The following NXPE2 variants were observed in gnomAD, a reference collection of about 807,000 sequenced individuals.
The protein encoded by NXPE2 is neurexophilin and PC-esterase domain family member 2, also known as NXPE family member 2.
A neutral mutation model predicts 34.4 loss-of-function variants in NXPE2; 34 were observed. The ratio of observed to expected loss-of-function variants is 0.99; its 90% CI spans 0.75 to 1.31. The LOEUF (loss-of-function observed/expected upper bound fraction) is 1.31. Among genes scored for constraint, NXPE2 ranks in the 40% most tolerant of loss-of-function variants. NXPE2 has a pLI of 0.00. For missense variants in NXPE2, 649 were observed against 672.5 expected, an observed-to-expected ratio of 0.97 and a Z score of 0.39; for synonymous variants, 235 against 231.3, an observed-to-expected ratio of 1.02 and a Z score of -0.15.
chr11:114,610,210 C>A, the NXPE2 span, among the ~76,000 whole-genome samples: 1 of 151,862 alleles, frequency 6.6e-6, no homozygotes, highest in Admixed American at 6.6e-5. Flanking sequence ...CCACTGTTAC[C>A]CAGTCAATAA....
In NXPE2 at chr11:114,691,511, G is replaced by A. The variant is rs79835308; in HGVS notation, c.133-6534G>A. On this transcript the variant is annotated intron_variant, in intron 2 of 5. Coordinates refer to ENST00000389586, the MANE Select transcript of NXPE2 (RefSeq NM_182495.6). ...CTAGGGGCAGGGGCAGAGAAAAATT[G>A]GGAAGTGTGAATCGTGCCCTCTCCC... Among the ~76,000 whole-genome samples the A allele has an allele frequency of 8.2e-3, 1,246 of 152,210 alleles. 18 individuals are homozygous for A. Among genetic ancestry groups the A allele is most frequent in the African/African-American group, 0.028 (1,157 of 41,540 alleles).
chr11:114,589,817 G>C, the NXPE2 span, among the ~76,000 whole-genome samples: 1 of 152,090 alleles, frequency 6.6e-6, no homozygotes, highest in Non-Finnish European at 1.5e-5. Flanking sequence ...CTTAAACCCT[G>C]TAACAGTCCC....
the NXPE2 span, among the ~76,000 whole-genome samples, chr11:114,782,649 GC>G: frequency 2.0e-5 from 3 of 152,318 alleles, no homozygotes; most frequent in Non-Finnish European, 4.4e-5. Context: ...TAGTTGTAGA[GC>G]AAAGACTCAG....
At chr11:114,499,037 C>T in the NXPE2 span, among the ~76,000 whole-genome samples, 2 of 152,028 alleles carry the variant, frequency 1.3e-5, no homozygotes, top group Admixed American at 1.3e-4. Flanking sequence ...GGAGTTATTT[C>T]TTAGGCAAAA....
the NXPE2 span, among the ~76,000 whole-genome samples, chr11:114,620,074 A>G: frequency 6.6e-6 from 1 of 152,098 alleles, no homozygotes; most frequent in South Asian, 2.1e-4. Flanking sequence ...CTGGTGTATA[A>G]TAAGTGTTGC....
chr11:114,466,140 T>C, the NXPE2 span, among the ~76,000 whole-genome samples: 2 of 152,140 alleles, frequency 1.3e-5, no homozygotes, highest in Admixed American at 1.3e-4. Context: ...ATGAAGGTAA[T>C]TTTTCTGACA....
chr11:114,745,301 CAGGGTGGAAGGCAAA>C, the NXPE2 span, among the ~76,000 whole-genome samples: 1 of 152,162 alleles, frequency 6.6e-6, no homozygotes, highest in Non-Finnish European at 1.5e-5. Context: ...TCCTTCCACT[CAGGGTGGAAGGCAAA>C]AGGGAGCTTG....
the NXPE2 span, among the ~76,000 whole-genome samples, chr11:114,478,660 C>T: frequency 6.6e-6 from 1 of 152,164 alleles, no homozygotes; most frequent in Non-Finnish European, 1.5e-5. Flanking sequence ...TAAACTTTCT[C>T]CTTCAGGCCA....
chr11:114,590,271 A>G, the NXPE2 span, among the ~76,000 whole-genome samples: 14 of 152,224 alleles, frequency 9.2e-5, no homozygotes, highest in Admixed American at 9.2e-4. Flanking sequence ...CAGAGCATAT[A>G]AGATTTCAAA....
the NXPE2 span, among the ~76,000 whole-genome samples, chr11:114,813,637 C>T: frequency 2.6e-5 from 4 of 152,206 alleles, no homozygotes; most frequent in Admixed American, 6.5e-5. Flanking sequence ...GTATCTCATA[C>T]ATACTATGTG....
chr11:114,790,701 T>C, the NXPE2 span, among the ~76,000 whole-genome samples: 1 of 152,186 alleles, frequency 6.6e-6, no homozygotes, highest in Non-Finnish European at 1.5e-5. Flanking sequence ...GCAATCTTGG[T>C]CCTGCACCAA....
At chr11:114,526,294 T>G in the NXPE2 span, among the ~76,000 whole-genome samples, 2 of 152,234 alleles carry the variant, frequency 1.3e-5, no homozygotes, top group Non-Finnish European at 2.9e-5. Flanking sequence ...TATTTTTGTT[T>G]TTTAAAGCCA....
chr11:114,717,110 G>C, the NXPE2 span, among the ~76,000 whole-genome samples: 1 of 152,150 alleles, frequency 6.6e-6, no homozygotes, highest in South Asian at 2.1e-4. Context: ...CCCTGAGTTA[G>C]AGGCCTTTTA....
At chr11:114,742,168 A>G in the NXPE2 span, among the ~76,000 whole-genome samples, 1 of 152,024 alleles carries the variant, frequency 6.6e-6, no homozygotes, top group East Asian at 1.9e-4. Context: ...AAGTTTGTAT[A>G]CCTTCTGTCA....
chr11:114,747,629 A>AG, the NXPE2 span, among the ~76,000 whole-genome samples: 1 of 152,148 alleles, frequency 6.6e-6, no homozygotes, highest in Non-Finnish European at 1.5e-5. Context: ...AGAGAGGGCA[A>AG]GGGGGGAACT....
chr11:114,770,219 G>A, the NXPE2 span, among the ~76,000 whole-genome samples: 1 of 152,172 alleles, frequency 6.6e-6, no homozygotes, highest in African/African-American at 2.4e-5. Flanking sequence ...AGAAATGGTG[G>A]GTTGAGGTCA....
upstream of NXPE2, among the ~76,000 whole-genome samples, chr11:114,676,042 T>C (rs533074713): frequency 1.3e-5 from 2 of 151,948 alleles, no homozygotes; most frequent in Admixed American, 6.6e-5. Context: ...GAACTGCATA[T>C]CCACATGTGG....
the NXPE2 span, among the ~76,000 whole-genome samples, chr11:114,479,184 C>A: frequency 6.6e-6 from 1 of 152,194 alleles, no homozygotes; most frequent in Non-Finnish European, 1.5e-5. Flanking sequence ...ACAAGCTCCT[C>A]TTGTTCTGAT....
At chr11:114,712,278 A>G in the NXPE2 span, among the ~76,000 whole-genome samples, 4 of 152,178 alleles carry the variant, frequency 2.6e-5, no homozygotes, top group Admixed American at 2.0e-4. Context: ...AAATAAAAAA[A>G]CAAACAAACA....
Sources: allele counts gnomAD v4.1 joint callset (sites outside exome capture counted in the v4.1 genomes callset), GRCh38; gene constraint gnomAD v4.1.1; transcripts MANE v1.5; gene names NCBI Gene and HGNC (gene_info 2026-07-23, HGNC 2026-07-21).